The following STAT5B variants were observed in gnomAD, a reference collection of about 807,000 sequenced individuals.
The protein encoded by STAT5B is signal transducer and activator of transcription 5B.
STAT5B carries 21 observed loss-of-function variants against 107.8 expected under a neutral mutation model. That is an observed-to-expected ratio of 0.19 (90% CI 0.14 to 0.28). STAT5B has a LOEUF of 0.28. Ranked by LOEUF, STAT5B falls within the 10% of genes least tolerant of loss-of-function variation. The pLI is 1.00. For synonymous variants in STAT5B, 325 were observed against 401.7 expected, an observed-to-expected ratio of 0.81 and a Z score of 2.28; for missense variants, 565 against 1,008.2, an observed-to-expected ratio of 0.56 and a Z score of 5.95.
chr17:42,236,449 GTTTGTT>G (rs1246616911), intron 1 of STAT5B, among the ~76,000 whole-genome samples: 1 of 152,176 alleles, frequency 6.6e-6, no homozygotes, highest in Non-Finnish European at 1.5e-5. Context: ...TTTTTTGTTT[GTTTGTT>G]TTTTGAGACG....
chr17:42,219,665 T>C, intron 6 of STAT5B, 47 bp downstream of exon 6: 1 of 1,573,232 alleles, frequency 6.4e-7, no homozygotes, highest in Non-Finnish European at 8.6e-7. Flanking sequence ...CCCCAGAGAC[T>C]GACTTCATGG....
Position 42,259,952 on chromosome 17 carries a change from A to C in STAT5B, c.-11+16296T>G, listed in dbSNP as rs182366607. 2.2e-3 allele frequency among the ~76,000 whole-genome samples: 328 copies of C among 152,248 alleles called. 1 individual carries two copies. The highest frequency in any genetic ancestry group is 3.6e-3 in the Non-Finnish European group (244 of 68,010). On this transcript the variant is annotated intron_variant, in intron 1 of 18. Transcript: ENST00000293328. ...TGTGCCATGGTGGTTTGCTGCACCAAGCGACCCTATTTGTATTTGTTGATT... is the reference window on the plus strand; with the variant it reads ...TGTGCCATGGTGGTTTGCTGCACCACGCGACCCTATTTGTATTTGTTGATT...
intron 1 of STAT5B, among the ~76,000 whole-genome samples, chr17:42,232,990 C>G (rs1454409239): frequency 6.6e-6 from 1 of 151,602 alleles, no homozygotes; most frequent in South Asian, 2.1e-4. Flanking sequence ...TACAGGTGCC[C>G]GCCACCGCAC....
intron 1 of STAT5B, among the ~76,000 whole-genome samples, chr17:42,246,021 T>G (rs746576502): frequency 6.6e-6 from 1 of 152,190 alleles, no homozygotes; most frequent in Non-Finnish European, 1.5e-5. Flanking sequence ...ATGCAACACG[T>G]ATGCAAGAGG....
Position 42,219,475 on chromosome 17 carries a change from G to A in STAT5B, c.682-12C>T. ...TTCTCGGCCAGCTCCTGAGGGAAGG[G>A]AGGAGAGCAGCCCCTTCTGGGCTCC... On this transcript the variant is annotated splice_polypyrimidine_tract_variant and intron_variant, in intron 6 of 18. Coordinates refer to ENST00000293328, the MANE Select transcript of STAT5B (RefSeq NM_012448.4). 1 of 1,367,838 alleles carries A rather than the reference G, an allele frequency of 7.3e-7. No individual in the cohort carries two copies. Among genetic ancestry groups the A allele is most frequent in the Non-Finnish European group, 9.9e-7 (1 of 1,011,836 alleles). The allele number at this position is 1,367,838 out of a possible 1,614,324, so 84.7% of individuals were successfully genotyped here.
chr17:42,282,102 G>A, the STAT5B span, among the ~76,000 whole-genome samples: 3 of 152,176 alleles, frequency 2.0e-5, no homozygotes, highest in Non-Finnish European at 2.9e-5. Context: ...GCCCTGAACC[G>A]TCAAAGCTCC....
intron 1 of STAT5B, chr17:42,235,043 A>C (rs901485760): frequency 1.3e-5 from 2 of 152,326 alleles, no homozygotes; most frequent in South Asian, 4.1e-4. Flanking sequence ...AGATACAAAA[A>C]TTCTCTTGCA....
upstream of STAT5B, among the ~76,000 whole-genome samples, chr17:42,280,522 T>A (rs769068135): frequency 1.1e-4 from 16 of 151,742 alleles, no homozygotes; most frequent in Non-Finnish European, 1.9e-4. Flanking sequence ...ATCCCAGGAG[T>A]CAGGCTGACC....
chr17:42,288,344 T>C, the STAT5B span: 2 of 152,166 alleles, frequency 1.3e-5, no homozygotes, highest in Admixed American at 1.3e-4. The surrounding 1 kb of genome is among the most constrained non-coding windows in gnomAD (Gnocchi z 4.8). Context: ...CCGCCGCTGT[T>C]GCGCACTTGC....
At chr17:42,266,554 A>AT (rs1019723763) in intron 1 of STAT5B, among the ~76,000 whole-genome samples, 3 of 151,000 alleles carry the variant, frequency 2.0e-5, no homozygotes, top group Non-Finnish European at 4.4e-5. Context: ...AATAAAAAAA[A>AT]AAAAAAAAAA....
At chr17:42,217,078 A>G in intron 11 of STAT5B, 82 bp downstream of exon 11, 1 of 1,540,114 alleles carries the variant, frequency 6.5e-7, no homozygotes, top group Non-Finnish European at 8.8e-7. Flanking sequence ...ATGCTATGTG[A>G]TAAAAAAAAA....
chr17:42,273,365 A>G (rs958865455), intron 1 of STAT5B, among the ~76,000 whole-genome samples: 3 of 152,244 alleles, frequency 2.0e-5, no homozygotes, highest in Admixed American at 6.5e-5. Context: ...TTGCACAGTT[A>G]AAGTATTTTG....
intron 1 of STAT5B, among the ~76,000 whole-genome samples, chr17:42,261,467 C>T (rs1027979524): frequency 1.3e-5 from 2 of 152,044 alleles, no homozygotes; most frequent in Non-Finnish European, 2.9e-5. Context: ...TTGGTATTCC[C>T]CAAACTGGCT....
intron 18 of STAT5B, 41 bp downstream of exon 18, chr17:42,202,299 C>T (rs779789198): frequency 3.1e-6 from 5 of 1,612,184 alleles, no homozygotes; most frequent in Admixed American, 3.3e-5. Context: ...GGCCAAGCCC[C>T]CAGTTCCTCC....
chr17:42,286,339 G>GT, the STAT5B span, among the ~76,000 whole-genome samples: 1 of 152,084 alleles, frequency 6.6e-6, no homozygotes, highest in African/African-American at 2.4e-5. Flanking sequence ...TCAACCAAGG[G>GT]CACAGCCACT....
At chr17:42,286,050 C>T in the STAT5B span, among the ~76,000 whole-genome samples, 8 of 151,886 alleles carry the variant, frequency 5.3e-5, no homozygotes, top group Admixed American at 2.0e-4. Context: ...AGAAACACCG[C>T]CTCTACTAAA....
At chr17:42,216,230 A>C in intron 11 of STAT5B, 124 bp from the exon 12 acceptor site, 1 of 816,620 alleles carries the variant, frequency 1.2e-6, no homozygotes, top group African/African-American at 1.7e-5. Flanking sequence ...TTCCTCTCAG[A>C]CACAGAATCT....
intron 2 of STAT5B, among the ~76,000 whole-genome samples, chr17:42,229,959 CAA>C (rs948375499): frequency 3.3e-5 from 5 of 151,892 alleles, no homozygotes; most frequent in African/African-American, 7.3e-5. Context: ...AATATCAACA[CAA>C]GTCTTTTAAT....
intron 1 of STAT5B, among the ~76,000 whole-genome samples, chr17:42,244,995 G>T (rs1164786311): frequency 6.6e-6 from 1 of 151,242 alleles, no homozygotes; most frequent in Non-Finnish European, 1.5e-5. Flanking sequence ...CCCACCGCTC[G>T]TGTTCAACCA....
Sources: gnomAD v4.1 joint callset for allele counts (sites outside exome capture counted in the v4.1 genomes callset) on GRCh38, gnomAD v4.1.1 for gene constraint, Gnocchi (gnomAD v3.1) non-coding constraint, MANE v1.5 for transcripts, NCBI Gene and HGNC (gene_info 2026-07-23, HGNC 2026-07-21) for gene names.